APBA1: variants seen among roughly 807,000 people sequenced by gnomAD.
APBA1 encodes the protein amyloid beta precursor protein binding family A member 1.
In APBA1, 55 loss-of-function variants were observed where a neutral mutation model predicts 86.6. That is an observed-to-expected ratio of 0.64 (90% CI 0.51 to 0.80). APBA1 has a LOEUF of 0.80. Among genes scored for constraint, APBA1 ranks in the 30% least tolerant of loss-of-function variants. The probability of loss-of-function intolerance (pLI) is 0.00; values close to 1 mark genes in which losing one functional copy is unlikely to be tolerated. For synonymous variants in APBA1, 511 were observed against 493.9 expected (o/e 1.03, Z -0.46); for missense variants, 1,090 against 1,183.0 (o/e 0.92, Z 1.15).
At chr9:69,493,961 A>T (rs934139396) in intron 2 of APBA1, among the ~76,000 whole-genome samples, 4 of 152,028 alleles carry the variant, frequency 2.6e-5, no homozygotes, top group Admixed American at 1.3e-4. Flanking sequence ...GTTTTTAAAA[A>T]CCCCAAATAT....
intron 11 of APBA1, among the ~76,000 whole-genome samples, chr9:69,439,691 T>G (rs1170159242): frequency 6.6e-6 from 1 of 152,216 alleles, no homozygotes; most frequent in African/African-American, 2.4e-5. Context: ...CGTCTAATTT[T>G]TTTTCAAAGT....
At chr9:69,529,565 G>A (rs1836392566) in intron 1 of APBA1, among the ~76,000 whole-genome samples, 1 of 152,052 alleles carries the variant, frequency 6.6e-6, no homozygotes, top group Non-Finnish European at 1.5e-5. Flanking sequence ...AAGAGATATG[G>A]TATCTGCATT....
chr9:69,658,328 T>C (rs374630165), intron 1 of APBA1, among the ~76,000 whole-genome samples: 1,473 of 128,230 alleles, frequency 0.011, 38 homozygotes, highest in African/African-American at 0.021. Flanking sequence ...CTTTCTTTCT[T>C]TCTTTCTTTC....
At chr9:69,449,875 C>A in intron 9 of APBA1, 79 bp from the exon 10 acceptor site, 2 of 1,295,760 alleles carry the variant, frequency 1.5e-6, no homozygotes, top group Non-Finnish European at 2.1e-6. Context: ...CTCCCCCATT[C>A]CTGTCTTGCC....
intron 1 of APBA1, among the ~76,000 whole-genome samples, chr9:69,657,949 T>C (rs1326141256): frequency 6.6e-6 from 1 of 152,206 alleles, no homozygotes; most frequent in African/African-American, 2.4e-5. Flanking sequence ...ACATTTTTCT[T>C]TGAGATGACT....
chr9:69,659,442 C>T (rs1413968354), intron 1 of APBA1, among the ~76,000 whole-genome samples: 1 of 152,224 alleles, frequency 6.6e-6, no homozygotes, highest in Non-Finnish European at 1.5e-5. Context: ...CCACATTCCA[C>T]ATGAGAAGCT....
intron 3 of APBA1, among the ~76,000 whole-genome samples, chr9:69,474,578 T>C (rs993237427): frequency 2.0e-5 from 3 of 152,234 alleles, no homozygotes; most frequent in African/African-American, 7.2e-5. Flanking sequence ...CCATGTGATA[T>C]AAGAATGAAG....
intron 11 of APBA1, among the ~76,000 whole-genome samples, chr9:69,437,136 C>T (rs576311918): frequency 1.6e-4 from 24 of 151,938 alleles, no homozygotes; most frequent in African/African-American, 5.6e-4. Flanking sequence ...CCCACTTGAT[C>T]ATGGTGGATA....
chr9:69,472,854 G>A (rs1322323364), intron 3 of APBA1, among the ~76,000 whole-genome samples: 6 of 152,178 alleles, frequency 3.9e-5, no homozygotes, highest in Non-Finnish European at 2.9e-5. Context: ...GAATGGCAAA[G>A]GGATGATAAC....
At chr9:69,615,184 A>C (rs1401255546) in intron 1 of APBA1, among the ~76,000 whole-genome samples, 1 of 152,158 alleles carries the variant, frequency 6.6e-6, no homozygotes, top group Non-Finnish European at 1.5e-5. Flanking sequence ...TGGGCGACAG[A>C]GTGAGACCCT....
chr9:69,431,378 T>C lies in APBA1; in HGVS notation c.2463A>G (p.Pro821=). 3 of 1,613,366 alleles carry C rather than the reference T, an allele frequency of 1.9e-6. No individual in the cohort carries two copies. In the South Asian group the frequency reaches 3.3e-5, roughly 18 times the overall value. Residue 821 remains proline, a synonymous_variant, in exon 13 of 13, where the codon CCA becomes CCG. Transcript: ENST00000265381. ...CCGTCAGCAGCCTGTACATCGCGGC[T>C]GGCATTGTCTTCATATGAATCTGAG... ...AVGEIHMKTM[P]AAMYRLLTAQ...
At chr9:69,557,112 C>T (rs747311259) in intron 1 of APBA1, among the ~76,000 whole-genome samples, 13 of 152,210 alleles carry the variant, frequency 8.5e-5, no homozygotes, top group Admixed American at 2.0e-4. Context: ...ATTGTATCCA[C>T]GATCATGAAT....
rs1387696821 is a variant in APBA1, at chr9:69,637,619, G to A, written c.-70+34534C>T. On this transcript the variant is annotated intron_variant, in intron 1 of 12. Coordinates refer to ENST00000265381, the MANE Select transcript of APBA1 (RefSeq NM_001163.4). ...CAGATGAAATACGCTTCCATACCGT[G>A]GCACAGCAGACACAGGCTGAGAAGC... 2.6e-5 allele frequency among the ~76,000 whole-genome samples: 4 copies of A among 152,186 alleles called. No homozygotes were observed. In the East Asian group the frequency reaches 7.7e-4, roughly 29 times the overall value.
chr9:69,638,783 C>T (rs1341303276), intron 1 of APBA1, among the ~76,000 whole-genome samples: 2 of 152,084 alleles, frequency 1.3e-5, no homozygotes, highest in Non-Finnish European at 2.9e-5. Flanking sequence ...CTTTCAGATG[C>T]CTCAGTGCCC....
Position 69,427,943 on chromosome 9 carries a change from A to T in APBA1, c.*3384T>A, listed in dbSNP as rs1415638558. 1 of 152,226 alleles carries T rather than the reference A, an allele frequency of 6.6e-6. No individual in the cohort carries two copies. Among genetic ancestry groups the T allele is most frequent in the Admixed American group, 6.5e-5 (1 of 15,286 alleles). The allele number at this position is 152,226 out of a possible 1,614,324, so 9.4% of individuals were successfully genotyped here. On this transcript the variant is annotated 3_prime_UTR_variant, in exon 13 of 13. Coordinates refer to ENST00000265381, the MANE Select transcript of APBA1 (RefSeq NM_001163.4). ...GGTGCTGTGCTAAGTATGTACAAGA[A>T]ATGTCATTCCCACACAGTCCTCACA...
At chr9:69,666,699 A>T (rs1823846790) in intron 1 of APBA1, among the ~76,000 whole-genome samples, 1 of 152,220 alleles carries the variant, frequency 6.6e-6, no homozygotes, top group African/African-American at 2.4e-5. Flanking sequence ...ACATAATCCC[A>T]TAACTCAAGG....
chr9:69,648,582 A>C (rs985228597), intron 1 of APBA1, among the ~76,000 whole-genome samples: 1 of 152,170 alleles, frequency 6.6e-6, no homozygotes, highest in Non-Finnish European at 1.5e-5. Context: ...TTTCCAATTT[A>C]AGAGCACAGA....
intron 1 of APBA1, among the ~76,000 whole-genome samples, chr9:69,616,917 G>A (rs998247568): frequency 3.9e-5 from 6 of 152,322 alleles, no homozygotes; most frequent in African/African-American, 1.4e-4. Context: ...CCTGACAAGT[G>A]GAGCTGGGGA....
At chr9:69,630,362 T>C (rs1246262915) in intron 1 of APBA1, among the ~76,000 whole-genome samples, 1 of 152,168 alleles carries the variant, frequency 6.6e-6, no homozygotes, top group African/African-American at 2.4e-5. Flanking sequence ...TCCCCCTCTC[T>C]GCTACATTGT....
Sources: allele counts gnomAD v4.1 joint callset (sites outside exome capture counted in the v4.1 genomes callset), GRCh38; gene constraint gnomAD v4.1.1; transcripts MANE v1.5; gene names NCBI Gene and HGNC (gene_info 2026-07-23, HGNC 2026-07-21).